GPHN: variants seen among roughly 807,000 people sequenced by gnomAD.
GPHN encodes the protein gephyrin.
A neutral mutation model predicts 95.5 loss-of-function variants in GPHN; 17 were observed. The observed-to-expected ratio is 0.18, with a 90% CI of 0.12 to 0.27. The LOEUF is 0.27. GPHN is among the 10% of genes least tolerant of loss of function. The probability of loss-of-function intolerance (pLI) is 1.00; values close to 1 mark genes in which losing one functional copy is unlikely to be tolerated. For missense variants in GPHN, 660 were observed against 978.1 expected, an observed-to-expected ratio of 0.67 and a Z score of 4.34; for synonymous variants, 320 against 322.5, an observed-to-expected ratio of 0.99 and a Z score of 0.08.
intron 8 of GPHN, among the ~76,000 whole-genome samples, chr14:66,959,851 C>A (rs1596516141): frequency 6.6e-6 from 1 of 151,972 alleles, no homozygotes; most frequent in East Asian, 1.9e-4. Flanking sequence ...CTGGGACCAC[C>A]ATTAATCATA....
chr14:67,474,403 C>A, the GPHN span, among the ~76,000 whole-genome samples: 1 of 152,194 alleles, frequency 6.6e-6, no homozygotes, highest in Non-Finnish European at 1.5e-5. Flanking sequence ...GTTGAAGAGT[C>A]GGCTGGCCTG....
the GPHN span, among the ~76,000 whole-genome samples, chr14:67,609,705 A>G: frequency 6.6e-6 from 1 of 152,204 alleles, no homozygotes; most frequent in African/African-American, 2.4e-5. Context: ...ATAAATAACA[A>G]GAGCCTTTCA....
rs576953438 is a variant in GPHN, at chr14:67,111,692, C to A, written c.1414-169C>A. 1.3e-5 allele frequency among the ~76,000 whole-genome samples: 2 copies of A among 152,164 alleles called. 1 individual carries two copies. The highest frequency in any genetic ancestry group is 6.8e-3 in the Middle Eastern group (2 of 294). On this transcript the variant is annotated intron_variant, in intron 14 of 22. Coordinates refer to ENST00000478722, the MANE Select transcript of GPHN (RefSeq NM_020806.5). ...ATTGGCACCAAACCTTCTAATTTTT[C>A]AGGAACCTGTGTTAGAAATTCAGTG...
chr14:66,682,981 A>T (rs1259406889), intron 2 of GPHN, among the ~76,000 whole-genome samples: 1 of 151,828 alleles, frequency 6.6e-6, no homozygotes, highest in African/African-American at 2.4e-5. Context: ...TTAACCTACC[A>T]CTAAATTCTA....
At chr14:66,571,346 G>A (rs1229995043) in intron 1 of GPHN, among the ~76,000 whole-genome samples, 3 of 152,112 alleles carry the variant, frequency 2.0e-5, no homozygotes, top group Non-Finnish European at 4.4e-5. Flanking sequence ...ATTGACACAT[G>A]GGGAATTACA....
intron 8 of GPHN, among the ~76,000 whole-genome samples, chr14:66,932,458 T>TTGTTTTG (rs2066867542): frequency 1.6e-5 from 2 of 123,618 alleles, no homozygotes; most frequent in Non-Finnish European, 3.4e-5. Flanking sequence ...TTTTTTTTTT[T>TTGTTTTG]TTTTTTTTTT....
At chr14:67,714,780 GGC>G in the GPHN span, 4 of 152,186 alleles carry the variant, frequency 2.6e-5, no homozygotes, top group Admixed American at 1.3e-4. Flanking sequence ...TTAAATGTTA[GGC>G]AATTTTTAAA....
At chr14:66,555,982 A>G (rs2059992822) in intron 1 of GPHN, among the ~76,000 whole-genome samples, 1 of 152,158 alleles carries the variant, frequency 6.6e-6, no homozygotes, top group African/African-American at 2.4e-5. Flanking sequence ...CCTAGATAGT[A>G]TAGCCTACTA....
At chr14:67,441,880 C>G in the GPHN span, 1 of 153,384 alleles carries the variant, frequency 6.5e-6, no homozygotes, top group African/African-American at 2.4e-5. Context: ...TGGGACTTCT[C>G]AGCCTTCAGA....
At chr14:66,629,112 CATATATAAATAT>C (rs1449902434) in intron 1 of GPHN, among the ~76,000 whole-genome samples, 59 of 129,654 alleles carry the variant, frequency 4.6e-4, no homozygotes, top group African/African-American at 1.6e-3. Flanking sequence ...TATTTATATA[CATATATAAATAT>C]GTATATAAAT....
chr14:67,725,152 A>C, the GPHN span: 2 of 1,614,230 alleles, frequency 1.2e-6, no homozygotes, highest in Non-Finnish European at 8.5e-7. Flanking sequence ...GTCTGCTGCC[A>C]GTGAAATCCG....
At chr14:66,781,542 C>A (rs1423143105) in intron 3 of GPHN, among the ~76,000 whole-genome samples, 1 of 152,088 alleles carries the variant, frequency 6.6e-6, no homozygotes, top group African/African-American at 2.4e-5. Context: ...TTATCATTAT[C>A]AATTCCTTGC....
chr14:67,091,738 A>T (rs543209690), intron 12 of GPHN, among the ~76,000 whole-genome samples: 1 of 151,926 alleles, frequency 6.6e-6, no homozygotes, highest in Non-Finnish European at 1.5e-5. Flanking sequence ...AAAGGGAGCC[A>T]TTAGCCCTTA....
chr14:67,409,526 G>A, the GPHN span, among the ~76,000 whole-genome samples: 9 of 152,138 alleles, frequency 5.9e-5, no homozygotes, highest in African/African-American at 1.7e-4. Flanking sequence ...CAGCAGGAAC[G>A]CCCGGCAGTG....
the GPHN span, among the ~76,000 whole-genome samples, chr14:67,235,142 G>A: frequency 7.8e-6 from 1 of 128,730 alleles, no homozygotes; most frequent in East Asian, 2.3e-4. Context: ...GGTGACAAGA[G>A]CAAAACTCCG....
the GPHN span, among the ~76,000 whole-genome samples, chr14:67,221,529 G>T: frequency 7.2e-5 from 11 of 152,194 alleles, no homozygotes; most frequent in African/African-American, 2.7e-4. Flanking sequence ...AATAAGAATA[G>T]ATTACATATT....
chr14:67,471,037 T>C, the GPHN span: 9 of 152,302 alleles, frequency 5.9e-5, no homozygotes, highest in East Asian at 1.5e-3. Context: ...AGGCCATGGG[T>C]TGTTGCCTTC....
At chr14:67,475,981 C>T in the GPHN span, among the ~76,000 whole-genome samples, 1 of 152,222 alleles carries the variant, frequency 6.6e-6, no homozygotes, top group Non-Finnish European at 1.5e-5. Flanking sequence ...GGCAGGCCCT[C>T]TCTAAATGAC....
At chr14:67,321,066 G>A in the GPHN span, 22 of 1,613,856 alleles carry the variant, frequency 1.4e-5, no homozygotes, top group African/African-American at 1.3e-5. Flanking sequence ...GATACAACCC[G>A]GAGTAGGCGA....
Sources: allele counts gnomAD v4.1 joint callset (sites outside exome capture counted in the v4.1 genomes callset), GRCh38; gene constraint gnomAD v4.1.1; transcripts MANE v1.5; gene names NCBI Gene and HGNC (gene_info 2026-07-23, HGNC 2026-07-21).